Variants in RBFOX1 observed in about 807,000 individuals in gnomAD.
The protein encoded by RBFOX1 is RNA binding fox-1 homolog 1.
In RBFOX1, 8 loss-of-function variants were observed where a neutral mutation model predicts 57.7. That is an observed-to-expected ratio of 0.14 (90% CI 0.08 to 0.25). The LOEUF (loss-of-function observed/expected upper bound fraction) is 0.25, where lower values mean the gene tolerates loss of function less well. Ranked by LOEUF, RBFOX1 falls within the 10% of genes least tolerant of loss-of-function variation. The pLI, the probability that RBFOX1 is intolerant of heterozygous loss-of-function variation, is 1.00. For missense variants in RBFOX1, 611 were observed against 548.5 expected, an observed-to-expected ratio of 1.11 and a Z score of -1.14; for synonymous variants, 326 against 222.4, an observed-to-expected ratio of 1.47 and a Z score of -4.15.
intron 1 of RBFOX1, among the ~76,000 whole-genome samples, chr16:6,166,277 A>T (rs1379121029): frequency 6.6e-6 from 1 of 152,080 alleles, no homozygotes; most frequent in African/African-American, 2.4e-5. Flanking sequence ...CTCTATGCAC[A>T]TAAGGACTCT....
At chr16:7,058,467 T>A (rs1410424704) in intron 4 of RBFOX1, among the ~76,000 whole-genome samples, 2 of 152,176 alleles carry the variant, frequency 1.3e-5, no homozygotes, top group African/African-American at 2.4e-5. Context: ...AAATCTAGAC[T>A]TTGCAACTTA....
At chr16:7,631,214 C>A (rs769532197) in intron 11 of RBFOX1, among the ~76,000 whole-genome samples, 2 of 152,130 alleles carry the variant, frequency 1.3e-5, no homozygotes, top group Non-Finnish European at 2.9e-5. Context: ...TGGTTCCCCC[C>A]TCATTTAATC....
At chr16:7,032,474 A>C (rs997736944) in intron 3 of RBFOX1, among the ~76,000 whole-genome samples, 4 of 152,062 alleles carry the variant, frequency 2.6e-5, no homozygotes, top group African/African-American at 9.7e-5. Flanking sequence ...TAAATAATAA[A>C]AATCCCATCT....
chr16:5,507,931 T>G (rs1156963209), intron 2 of RBFOX1, among the ~76,000 whole-genome samples: 1 of 152,106 alleles, frequency 6.6e-6, no homozygotes, highest in South Asian at 2.1e-4. Flanking sequence ...AGAATGCTTA[T>G]GTGTTGTTTT....
intron 4 of RBFOX1, among the ~76,000 whole-genome samples, chr16:7,068,444 C>G (rs1188723614): frequency 2.0e-5 from 3 of 152,192 alleles, no homozygotes; most frequent in Admixed American, 2.0e-4. Flanking sequence ...GCCCAGGACT[C>G]ACCTCTACCT....
chr16:7,026,864 A>C (rs376436048), intron 3 of RBFOX1, among the ~76,000 whole-genome samples: 1 of 152,178 alleles, frequency 6.6e-6, no homozygotes, highest in Non-Finnish European at 1.5e-5. Context: ...TGTATCTCCT[A>C]GTTGCAAGGG....
intron 1 of RBFOX1, among the ~76,000 whole-genome samples, chr16:5,301,209 A>G (rs1489816877): frequency 6.6e-6 from 1 of 152,212 alleles, no homozygotes; most frequent in Non-Finnish European, 1.5e-5. Flanking sequence ...AATGGAAGCC[A>G]GCTACCACCA....
At chr16:7,102,429 C>G (rs906690091) in intron 4 of RBFOX1, among the ~76,000 whole-genome samples, 2 of 152,030 alleles carry the variant, frequency 1.3e-5, no homozygotes, top group Non-Finnish European at 2.9e-5. Flanking sequence ...TAGATGTCTT[C>G]GCAGGATTTA....
Position 7,126,191 on chromosome 16 carries a change from C to T in RBFOX1, c.27+74093C>T, listed in dbSNP as rs573514284. On this transcript the variant is annotated intron_variant, in intron 4 of 15. Coordinates refer to ENST00000550418, the MANE Select transcript of RBFOX1 (RefSeq NM_018723.4). ...GGTCTAACCCACACAAAATCCCCAC[C>T]CTGTCTGGCACAGATACACTTAACA... The T allele has an allele frequency of 8.2e-5, 13 of 158,050 alleles. 1 individual carries two copies. The South Asian group carries it at 2.2e-3, about 26-fold the overall frequency. The allele number at this position is 158,050 out of a possible 1,614,324, so 9.8% of individuals were successfully genotyped here. A position where few individuals can be genotyped will look rare whatever the true frequency, so the allele number is the denominator to read the frequency against.
chr16:5,805,936 T>C (rs918152198), intron 3 of RBFOX1, among the ~76,000 whole-genome samples: 1 of 152,136 alleles, frequency 6.6e-6, no homozygotes, highest in African/African-American at 2.4e-5. Context: ...GGGGGACAAA[T>C]GGAGAAATCT....
In RBFOX1 at chr16:6,212,724, CAAACAAA is replaced by C. The variant is rs1470694564; in HGVS notation, c.-126-104267_-126-104261del. On this transcript the variant is annotated intron_variant, in intron 1 of 15. Transcript: ENST00000550418. ...TCTGTCAAAAAAACAAACAAACAAA[CAAACAAA>C]AAAAAAACCCACTAATATGATAATG... Among the ~76,000 whole-genome samples, 27 of 7,530 alleles carry C rather than the reference CAAACAAA, an allele frequency of 3.6e-3. No homozygotes were observed. The Non-Finnish European group carries it at 0.099, about 28-fold the overall frequency. The allele number at this position is 7,530 out of a possible 152,430, so 4.9% of individuals were successfully genotyped here. A position where few individuals can be genotyped will look rare whatever the true frequency, so the allele number is the denominator to read the frequency against.
At position 5,674,340 on chromosome 16, in the gene RBFOX1, C is replaced by T. The variant is rs541095016; in HGVS notation, c.318+75379C>T. 3.9e-5 allele frequency among the ~76,000 whole-genome samples: 6 copies of T among 152,314 alleles called. No individual in the cohort carries two copies. The South Asian group carries it at 1.2e-3, about 32-fold the overall frequency. ...ATGACTTTTATTTCCTATGTAATCT[C>T]CACTTTCCTCTACAATGGGTAAAAT... is the stretch of plus-strand genomic sequence containing the variant. On this transcript the variant is annotated intron_variant, in intron 3 of 19. Coordinates refer to the RBFOX1 transcript ENST00000641259.
chr16:6,842,213 T>G (rs2093511514), intron 3 of RBFOX1, among the ~76,000 whole-genome samples: 1 of 152,066 alleles, frequency 6.6e-6, no homozygotes. Flanking sequence ...GTTAGCTATT[T>G]GAGTAGTCTC....
chr16:7,325,285 A>T (rs1267054733), intron 4 of RBFOX1, among the ~76,000 whole-genome samples: 3 of 152,216 alleles, frequency 2.0e-5, no homozygotes, highest in Non-Finnish European at 4.4e-5. Context: ...TATTTCGCAG[A>T]TAATAAATCT....
intron 1 of RBFOX1, among the ~76,000 whole-genome samples, chr16:6,121,183 G>A (rs1256348155): frequency 6.6e-6 from 1 of 152,156 alleles, no homozygotes; most frequent in Non-Finnish European, 1.5e-5. Context: ...TACATGCACT[G>A]CAGGTTTATG....
intron 1 of RBFOX1, among the ~76,000 whole-genome samples, chr16:6,125,053 C>G (rs530101217): frequency 6.6e-6 from 1 of 152,096 alleles, no homozygotes; most frequent in Non-Finnish European, 1.5e-5. Flanking sequence ...ATCACCTAGA[C>G]AAGTGATCCC....
intron 4 of RBFOX1, among the ~76,000 whole-genome samples, chr16:5,888,332 A>C (rs1257035201): frequency 6.6e-6 from 1 of 151,964 alleles, no homozygotes; most frequent in African/African-American, 2.4e-5. Context: ...TTATTCTACA[A>C]AGCTTTTTTT....
At chr16:7,429,278 C>T (rs1304905551) in intron 4 of RBFOX1, among the ~76,000 whole-genome samples, 1 of 152,220 alleles carries the variant, frequency 6.6e-6, no homozygotes, top group Non-Finnish European at 1.5e-5. Context: ...CTGGCTTCTT[C>T]CTCCTGCTGA....
At chr16:5,281,285 A>C (rs2063265615) in intron 1 of RBFOX1, among the ~76,000 whole-genome samples, 1 of 152,146 alleles carries the variant, frequency 6.6e-6, no homozygotes, top group African/African-American at 2.4e-5. Flanking sequence ...TTGTGGTCTG[A>C]GAAGATAATT....
Sources: allele counts gnomAD v4.1 joint callset (sites outside exome capture counted in the v4.1 genomes callset), GRCh38; gene constraint gnomAD v4.1.1; transcripts MANE v1.5; gene names NCBI Gene and HGNC (gene_info 2026-07-23, HGNC 2026-07-21).